ESRRG: variants seen among roughly 807,000 people sequenced by gnomAD.
The protein encoded by ESRRG is estrogen related receptor gamma, also known as estrogen-related receptor gamma.
ESRRG carries 13 observed loss-of-function variants against 44.0 expected under a neutral mutation model. The observed-to-expected ratio is 0.30, with a 90% CI of 0.19 to 0.47. ESRRG has a LOEUF of 0.47. Among genes scored for constraint, ESRRG ranks in the 20% least tolerant of loss-of-function variants. ESRRG has a pLI of 1.00. For synonymous variants in ESRRG, 215 were observed against 214.6 expected, an observed-to-expected ratio of 1.00 and a Z score of -0.02; for missense variants, 395 against 580.6, an observed-to-expected ratio of 0.68 and a Z score of 3.29.
chr1:216,657,203 T>C (rs2070849783), intron 2 of ESRRG, among the ~76,000 whole-genome samples: 1 of 152,212 alleles, frequency 6.6e-6, no homozygotes, highest in African/African-American at 2.4e-5. Context: ...TATCTATAGC[T>C]GAGATTCATA....
chr1:217,075,195 G>A (rs773863711), intron 1 of ESRRG, among the ~76,000 whole-genome samples: 1 of 152,138 alleles, frequency 6.6e-6, no homozygotes, highest in Non-Finnish European at 1.5e-5. Context: ...TTGTTCGAGG[G>A]TCAAGATAAT....
chr1:216,871,333 G>T (rs1313445575), intron 2 of ESRRG, among the ~76,000 whole-genome samples: 3 of 151,938 alleles, frequency 2.0e-5, no homozygotes, highest in Non-Finnish European at 4.4e-5. Flanking sequence ...TGAGGTCAGA[G>T]AACATATTTT....
chr1:216,903,428 AGTGTGT>A lies in ESRRG; in HGVS notation c.-14+36148_-14+36153del, dbSNP rs58137897. 7.0e-3 allele frequency among the ~76,000 whole-genome samples: 1,043 copies of A among 148,108 alleles called. 9 individuals are homozygous for A. Among genetic ancestry groups the A allele is most frequent in the East Asian group, 0.023 (113 of 4,966 alleles). On this transcript the variant is annotated intron_variant, in intron 2 of 7. Coordinates refer to the ESRRG transcript ENST00000359162. ...ATATATGTGTGGTTGTGTGTGTTCA[AGTGTGT>A]GTGTGTGTGTGTGTGTGTGTGTGTC...
intron 1 of ESRRG, among the ~76,000 whole-genome samples, chr1:217,001,189 A>T (rs1023882699): frequency 6.6e-6 from 1 of 152,224 alleles, no homozygotes; most frequent in Non-Finnish European, 1.5e-5. Context: ...ACCTTAGTGG[A>T]AGCTGCCTTC....
intron 2 of ESRRG, among the ~76,000 whole-genome samples, chr1:216,847,526 A>T (rs558642141): frequency 6.6e-6 from 1 of 152,170 alleles, no homozygotes; most frequent in East Asian, 1.9e-4. Flanking sequence ...TTTCTTTTTA[A>T]CTACACCAAC....
intron 2 of ESRRG, among the ~76,000 whole-genome samples, chr1:216,778,807 C>T (rs12402894): frequency 0.46 from 69,943 of 151,376 alleles, 16,436 homozygotes; most frequent in African/African-American, 0.55. Context: ...TTCATTGTTC[C>T]GAAAGGAGGA....
At chr1:216,519,492 G>A in intron 5 of ESRRG, 71 bp from the exon 6 acceptor site, 1 of 1,422,996 alleles carries the variant, frequency 7.0e-7, no homozygotes, top group South Asian at 1.3e-5. Context: ...AGTTTCATAT[G>A]GTAGCTGGCT....
At chr1:216,538,071 C>G (rs925517636) in intron 5 of ESRRG, among the ~76,000 whole-genome samples, 15 of 152,026 alleles carry the variant, frequency 9.9e-5, no homozygotes, top group African/African-American at 3.4e-4. Context: ...CTAAGTATTT[C>G]TTTAATAACC....
intron 3 of ESRRG, among the ~76,000 whole-genome samples, chr1:216,617,168 C>T (rs1170201723): frequency 1.3e-5 from 2 of 152,106 alleles, no homozygotes; most frequent in Non-Finnish European, 2.9e-5. Context: ...GATTGGCCAG[C>T]TAAAACTCAC....
At chr1:216,715,117 G>T in intron 1 of ESRRG, 1 of 985,426 alleles carries the variant, frequency 1.0e-6, no homozygotes, top group African/African-American at 1.7e-5. Context: ...AGAACAGAAT[G>T]AGCCTTCCTT....
chr1:216,938,250 A>G lies in ESRRG; in HGVS notation c.-14+1332T>C, dbSNP rs373089870. Among the ~76,000 whole-genome samples, 18 of 152,338 alleles carry G rather than the reference A, an allele frequency of 1.2e-4. No homozygotes were observed. The East Asian group carries it at 2.7e-3, about 23-fold the overall frequency. On this transcript the variant is annotated intron_variant, in intron 2 of 7. Coordinates refer to the ESRRG transcript ENST00000359162. ...TGTACAAATCATTGCCCCTTCCTGC[A>G]ATGGCATAGTAAGCATGAATTTGAA...
chr1:216,877,888 C>A (rs1577557968), intron 2 of ESRRG, among the ~76,000 whole-genome samples: 1 of 152,160 alleles, frequency 6.6e-6, no homozygotes. Context: ...TGTACACCTA[C>A]CAAGTTCTAT....
chr1:217,068,156 G>A (rs894067967), intron 1 of ESRRG, among the ~76,000 whole-genome samples: 1 of 152,086 alleles, frequency 6.6e-6, no homozygotes, highest in East Asian at 1.9e-4. Context: ...ATGCTACCAC[G>A]TGATCTCACA....
chr1:216,831,839 G>A (rs1408000312), intron 2 of ESRRG, among the ~76,000 whole-genome samples: 2 of 152,140 alleles, frequency 1.3e-5, no homozygotes, highest in East Asian at 1.9e-4. Flanking sequence ...CAAGAATGAG[G>A]AGAAAGATGT....
At chr1:216,984,299 A>T (rs1177447227) in intron 1 of ESRRG, among the ~76,000 whole-genome samples, 2 of 152,164 alleles carry the variant, frequency 1.3e-5, no homozygotes, top group Admixed American at 6.5e-5. Flanking sequence ...CCCAAAATGC[A>T]TCCTTACTAC....
chr1:216,662,020 T>C (rs1225560795), intron 2 of ESRRG, among the ~76,000 whole-genome samples: 1 of 152,162 alleles, frequency 6.6e-6, no homozygotes, highest in Non-Finnish European at 1.5e-5. Context: ...GGATGGGTAA[T>C]AATAATTGAT....
intron 3 of ESRRG, among the ~76,000 whole-genome samples, chr1:216,639,277 A>G (rs2065914475): frequency 6.6e-6 from 1 of 152,196 alleles, no homozygotes; most frequent in Non-Finnish European, 1.5e-5. Flanking sequence ...CGCTCCCAAA[A>G]AAGAACAAAC....
chr1:216,590,011 T>C (rs1458983851), intron 3 of ESRRG, among the ~76,000 whole-genome samples: 1 of 149,332 alleles, frequency 6.7e-6, no homozygotes, highest in Non-Finnish European at 1.5e-5. Context: ...AATGAAAACA[T>C]GGTGATATTA....
At chr1:216,772,819 T>G (rs928048168) in intron 2 of ESRRG, among the ~76,000 whole-genome samples, 2 of 151,954 alleles carry the variant, frequency 1.3e-5, no homozygotes, top group Admixed American at 6.6e-5. Flanking sequence ...AGAAATGTAC[T>G]TGGGCAGCTG....
Sources: allele counts gnomAD v4.1 joint callset (sites outside exome capture counted in the v4.1 genomes callset), GRCh38; gene constraint gnomAD v4.1.1; transcripts MANE v1.5; gene names NCBI Gene and HGNC (gene_info 2026-07-23, HGNC 2026-07-21).